Variants in AKAP7 observed in about 807,000 individuals in gnomAD.
The protein encoded by AKAP7 is A-kinase anchoring protein 7.
AKAP7 carries 39 observed loss-of-function variants against 39.5 expected under a neutral mutation model. The ratio of observed to expected loss-of-function variants is 0.99; its 90% CI spans 0.76 to 1.29. The LOEUF (loss-of-function observed/expected upper bound fraction) is 1.29. Ranked by LOEUF, AKAP7 falls within the 50% of genes most tolerant of loss-of-function variation. The pLI is 0.00. For missense variants in AKAP7, 414 were observed against 407.7 expected (o/e 1.02, Z -0.13); for synonymous variants, 140 against 139.1 (o/e 1.01, Z -0.05).
In AKAP7 at chr6:131,143,752, A is replaced by T. The variant is rs201469576; in HGVS notation, c.20-1533A>T. Among the ~76,000 whole-genome samples the T allele has an allele frequency of 2.5e-3, 340 of 136,578 alleles. 3 individuals are homozygous for T. The highest frequency in any genetic ancestry group is 3.7e-3 in the Middle Eastern group (1 of 268). The allele number at this position is 136,578 out of a possible 152,430, so 89.6% of individuals were successfully genotyped here. A position where few individuals can be genotyped will look rare whatever the true frequency, so the allele number is the denominator to read the frequency against. ...GTAGCCATATTCTTTTTTTTTTTTTATTTTTTATTTTTTATTTTTTATTTT... is the reference window on the plus strand; with the variant it reads ...GTAGCCATATTCTTTTTTTTTTTTTTTTTTTTATTTTTTATTTTTTATTTT... On this transcript the variant is annotated intron_variant, in intron 1 of 7. Transcript: ENST00000431975.
At chr6:131,184,213 A>G (rs1805581833) in intron 5 of AKAP7, 1 of 405,912 alleles carries the variant, frequency 2.5e-6, no homozygotes, top group South Asian at 2.0e-5. Context: ...AACCACCCCA[A>G]GGTTCTCTGG....
intron 7 of AKAP7, among the ~76,000 whole-genome samples, chr6:131,278,179 AG>A (rs1814901935): frequency 6.6e-6 from 1 of 152,232 alleles, no homozygotes; most frequent in Admixed American, 6.5e-5. Context: ...ATGTTAGCAG[AG>A]GGAGAGAACT....
intron 3 of AKAP7, among the ~76,000 whole-genome samples, chr6:131,161,522 G>A (rs1802945495): frequency 6.6e-6 from 1 of 151,304 alleles, no homozygotes; most frequent in African/African-American, 2.4e-5. Flanking sequence ...GCTCACACCT[G>A]TGGTCCTAGC....
At position 131,278,924 on chromosome 6, in the gene AKAP7, G is replaced by T. The variant is rs971481683; in HGVS notation, c.851-2606G>T. ...GAGAGGGAGGGTCGTCTAGAAATTG[G>T]GAATGGTGTGGAAGCCTCTGAGGAG... On this transcript the variant is annotated intron_variant, in intron 7 of 7. Coordinates refer to ENST00000431975, the MANE Select transcript of AKAP7 (RefSeq NM_016377.4). Among the ~76,000 whole-genome samples, 4 of 152,164 alleles carry T rather than the reference G, an allele frequency of 2.6e-5. No homozygotes were observed. In the East Asian group the frequency reaches 7.7e-4, roughly 29 times the overall value.
Position 131,135,655 on chromosome 6 carries a change from C to T in AKAP7, c.-109C>T. ...GCCGGCCCAGCGCACCGCCCTCAGG[C>T]CCCGAGCCCCGCCCTGGCCTCCGCC... On this transcript the variant is annotated 5_prime_UTR_variant, in exon 1 of 8. Coordinates refer to ENST00000431975, the MANE Select transcript of AKAP7 (RefSeq NM_016377.4). The T allele has an allele frequency of 2.5e-5, 25 of 984,722 alleles. No homozygotes were observed. Among genetic ancestry groups the T allele is most frequent in the Non-Finnish European group, 3.1e-5 (25 of 816,812 alleles). 61.0% of individuals were successfully genotyped at this position (984,722 alleles called of 1,614,324 possible).
At chr6:131,275,667 A>G (rs1469193265) in intron 7 of AKAP7, among the ~76,000 whole-genome samples, 1 of 152,170 alleles carries the variant, frequency 6.6e-6, no homozygotes, top group African/African-American at 2.4e-5. Context: ...GTCTGCCGCC[A>G]TCTTTGATGT....
chr6:131,147,302 C>G (rs568624277), intron 2 of AKAP7, among the ~76,000 whole-genome samples: 1 of 152,352 alleles, frequency 6.6e-6, no homozygotes, highest in Admixed American at 6.5e-5. Flanking sequence ...ATCACACTGT[C>G]TTCTGGAGGC....
intron 7 of AKAP7, among the ~76,000 whole-genome samples, chr6:131,245,481 A>G (rs1282487501): frequency 6.6e-6 from 1 of 150,964 alleles, no homozygotes; most frequent in East Asian, 1.9e-4. Context: ...GTTTCACTAC[A>G]AGAACACAGA....
At chr6:131,262,797 AAT>A (rs745882609) in intron 7 of AKAP7, among the ~76,000 whole-genome samples, 1 of 152,214 alleles carries the variant, frequency 6.6e-6, no homozygotes, top group Non-Finnish European at 1.5e-5. Context: ...CGTGTTCTGC[AAT>A]GTTATAGTAT....
intron 7 of AKAP7, among the ~76,000 whole-genome samples, chr6:131,269,359 CTA>C (rs1476063473): frequency 6.6e-6 from 1 of 152,182 alleles, no homozygotes; most frequent in Non-Finnish European, 1.5e-5. Flanking sequence ...AGAATGCATA[CTA>C]CTTTTAACAC....
intron 7 of AKAP7, among the ~76,000 whole-genome samples, chr6:131,266,800 A>G (rs543915084): frequency 6.6e-6 from 1 of 152,074 alleles, no homozygotes; most frequent in East Asian, 1.9e-4. Flanking sequence ...ATTTTGTTGT[A>G]ATGATTAATC....
At chr6:131,236,123 G>A (rs1269581939) in intron 7 of AKAP7, among the ~76,000 whole-genome samples, 2 of 152,054 alleles carry the variant, frequency 1.3e-5, no homozygotes, top group Non-Finnish European at 2.9e-5. Context: ...TTCTACATAT[G>A]GCTAGCCAGT....
Position 131,281,907 on chromosome 6 carries a change from G to T in AKAP7, c.*181G>T. ...GCTGAAACACAACAGAAGAAAAATG[G>T]AGTGCTGGGACTGGCAGAGGAAATT... is the stretch of plus-strand genomic sequence containing the variant. On this transcript the variant is annotated 3_prime_UTR_variant, in exon 8 of 8. Coordinates refer to ENST00000431975, the MANE Select transcript of AKAP7 (RefSeq NM_016377.4). This position sits in a 1 kb window ranked among gnomAD's most constrained non-coding sequence, Gnocchi z 4.0. The T allele has an allele frequency of 8.0e-7, 1 of 1,255,382 alleles. No homozygotes were observed. Among genetic ancestry groups the T allele is most frequent in the Non-Finnish European group, 1.0e-6 (1 of 997,868 alleles). 77.8% of individuals were successfully genotyped at this position (1,255,382 alleles called of 1,614,324 possible). A position where few individuals can be genotyped will look rare whatever the true frequency, so the allele number is the denominator to read the frequency against.
chr6:131,141,225 C>T (rs1800997905), intron 1 of AKAP7, among the ~76,000 whole-genome samples: 1 of 151,958 alleles, frequency 6.6e-6, no homozygotes, highest in African/African-American at 2.4e-5. Context: ...GGGGTGGATC[C>T]CTCATGAATG....
intron 5 of AKAP7, among the ~76,000 whole-genome samples, chr6:131,173,216 A>G (rs28538276): frequency 6.9e-6 from 1 of 145,620 alleles, no homozygotes; most frequent in Non-Finnish European, 1.5e-5. Flanking sequence ...AAAAAAAAAA[A>G]GAAAAAAGAA....
chr6:131,268,985 AT>A (rs1814047903), intron 7 of AKAP7, among the ~76,000 whole-genome samples: 1 of 152,210 alleles, frequency 6.6e-6, no homozygotes, highest in Admixed American at 6.5e-5. Context: ...CTTCTTTGTC[AT>A]AAAAATAATT....
At chr6:131,217,171 A>G (rs549789196) in intron 6 of AKAP7, among the ~76,000 whole-genome samples, 3 of 152,306 alleles carry the variant, frequency 2.0e-5, no homozygotes, top group South Asian at 2.1e-4. Context: ...GCTTTAAAAT[A>G]TAATCTGGGA....
rs1810928082 is a variant in AKAP7 at position 131,235,052 on chromosome 6, C to T, written c.850+15244C>T. On this transcript the variant is annotated intron_variant, in intron 7 of 7. Transcript: ENST00000431975. ...GGTATATCTCCTAATGCTATCCCTC[C>T]CCCACTCCTCCCACCCCACAACAGG... is the stretch of plus-strand genomic sequence containing the variant. Among the ~76,000 whole-genome samples the T allele has an allele frequency of 3.9e-5, 6 of 152,172 alleles. 1 individual carries two copies. The South Asian group carries it at 1.2e-3, about 32-fold the overall frequency.
chr6:131,202,862 C>T (rs1308360718), intron 6 of AKAP7, among the ~76,000 whole-genome samples: 3 of 151,912 alleles, frequency 2.0e-5, no homozygotes, highest in Non-Finnish European at 4.4e-5. Context: ...GAGTCTATTC[C>T]TATCACTATT....
Sources: allele counts gnomAD v4.1 joint callset (sites outside exome capture counted in the v4.1 genomes callset), GRCh38; gene constraint gnomAD v4.1.1; non-coding constraint Gnocchi (gnomAD v3.1); transcripts MANE v1.5; gene names NCBI Gene and HGNC (gene_info 2026-07-23, HGNC 2026-07-21).